EPS15L1: variants seen among roughly 807,000 people sequenced by gnomAD.
The protein encoded by EPS15L1 is epidermal growth factor receptor pathway substrate 15 like 1, also known as epidermal growth factor receptor substrate 15-like 1.
A neutral mutation model predicts 117.1 loss-of-function variants in EPS15L1; 43 were observed. That is an observed-to-expected ratio of 0.37 (90% CI 0.29 to 0.47). EPS15L1 has a LOEUF of 0.47. Among genes scored for constraint, EPS15L1 ranks in the 20% least tolerant of loss-of-function variants. The pLI, the probability that EPS15L1 is intolerant of heterozygous loss-of-function variation, is 0.99. For missense variants in EPS15L1, 981 were observed against 1,164.0 expected (o/e 0.84, Z 2.29); for synonymous variants, 459 against 470.5 (o/e 0.98, Z 0.32).
chr19:16,440,826 A>T, intron 4 of EPS15L1, 36 bp downstream of exon 4: 1 of 1,609,586 alleles, frequency 6.2e-7, no homozygotes, highest in South Asian at 1.1e-5. Flanking sequence ...GGCTCTGCCC[A>T]GCCCCTCCAT....
intron 1 of EPS15L1, among the ~76,000 whole-genome samples, chr19:16,463,987 A>G (rs2145191763): frequency 6.6e-6 from 1 of 152,368 alleles, no homozygotes; most frequent in Admixed American, 6.5e-5. Flanking sequence ...GGGGCCACAG[A>G]GCAGAGGGAA....
intron 1 of EPS15L1, among the ~76,000 whole-genome samples, chr19:16,457,064 G>A (rs2093204670): frequency 6.6e-6 from 1 of 152,184 alleles, no homozygotes; most frequent in Non-Finnish European, 1.5e-5. Context: ...TGATCAGAGA[G>A]AGACTGCCAT....
At chr19:16,362,041 CG>C (rs2092062436) in intron 22 of EPS15L1, 57 bp from the exon 23 acceptor site, 1 of 1,491,350 alleles carries the variant, frequency 6.7e-7, no homozygotes, top group African/African-American at 1.4e-5. Context: ...GTTACTCACC[CG>C]GACAGAGCAG....
intron 1 of EPS15L1, among the ~76,000 whole-genome samples, chr19:16,449,594 A>C (rs1454653448): frequency 1.4e-5 from 2 of 144,710 alleles, no homozygotes; most frequent in Admixed American, 7.8e-5. Context: ...AACAACAACA[A>C]AAAAAAACTA....
In EPS15L1 at chr19:16,401,052, T is replaced by A. The variant is rs905017969; in HGVS notation, c.1791+1269A>T. On this transcript the variant is annotated intron_variant, in intron 16 of 23. Coordinates refer to ENST00000455140, the MANE Select transcript of EPS15L1 (RefSeq NM_001258374.3). Reference sequence around the variant, plus strand: ...AGCCAGGGAGCAAAGCGAGGAGTTCTGGCTTCTCGTAACTCATGAAGGATG... The same window carrying A: ...AGCCAGGGAGCAAAGCGAGGAGTTCAGGCTTCTCGTAACTCATGAAGGATG... The A allele has an allele frequency of 1.9e-5, 19 of 985,288 alleles. No individual in the cohort carries two copies. The African/African-American group carries it at 3.0e-4, about 15-fold the overall frequency. 61.0% of individuals were successfully genotyped at this position (985,288 alleles called of 1,614,324 possible).
chr19:16,417,831 G>T (rs1165326023), intron 11 of EPS15L1, 117 bp downstream of exon 11: 5 of 1,416,068 alleles, frequency 3.5e-6, no homozygotes, highest in Admixed American at 2.0e-5. Context: ...TGTTGAGGAA[G>T]GCAGGGACCA....
rs879624231 is a variant in EPS15L1, at chr19:16,404,074, T to C, written c.1429-144A>G. ...AACCCAGGCCCGACACCTGGCTTCC[T>C]TACAGGCCTCTTTCTACACCCAAAA... On this transcript the variant is annotated intron_variant, in intron 14 of 23. Transcript: ENST00000455140. The surrounding 1 kb of genome is among the most constrained non-coding windows in gnomAD (Gnocchi z 4.2). 96 of 710,580 alleles carry C rather than the reference T, an allele frequency of 1.4e-4. No homozygotes were observed. Among genetic ancestry groups the C allele is most frequent in the Non-Finnish European group, 2.1e-4 (88 of 426,646 alleles). The allele number at this position is 710,580 out of a possible 1,614,324, so 44.0% of individuals were successfully genotyped here.
At chr19:16,419,635 T>C (rs57685681) in intron 10 of EPS15L1, among the ~76,000 whole-genome samples, 186 of 152,300 alleles carry the variant, frequency 1.2e-3, no homozygotes, top group African/African-American at 4.4e-3. Context: ...CAACAGAAGT[T>C]TCCCCTTTTA....
At chr19:16,397,282 G>T (rs375031066) in intron 16 of EPS15L1, among the ~76,000 whole-genome samples, 1 of 151,886 alleles carries the variant, frequency 6.6e-6, no homozygotes, top group East Asian at 1.9e-4. Flanking sequence ...TAGAGATGGG[G>T]TTTCACCATG....
At chr19:16,437,514 T>G (rs1045705953) in intron 5 of EPS15L1, among the ~76,000 whole-genome samples, 9 of 152,100 alleles carry the variant, frequency 5.9e-5, no homozygotes, top group Non-Finnish European at 1.3e-4. Context: ...TTAATGTGGA[T>G]GGGGTCTCCT....
Position 16,454,364 on chromosome 19 carries a change from G to A in EPS15L1, c.34-12145C>T, listed in dbSNP as rs772369025. ...GCTTATAAGCACACGGTATCCTATC[G>A]CCCCGCTACTGGAACCTGGCGGGAC... is the stretch of plus-strand genomic sequence containing the variant. On this transcript the variant is annotated intron_variant, in intron 1 of 23. Coordinates refer to ENST00000455140, the MANE Select transcript of EPS15L1 (RefSeq NM_001258374.3). Among the ~76,000 whole-genome samples, 60 of 152,262 alleles carry A rather than the reference G, an allele frequency of 3.9e-4. 1 individual carries two copies. The highest frequency in any genetic ancestry group is 6.8e-3 in the Middle Eastern group (2 of 294).
chr19:16,416,743 T>A (rs1379456144), intron 12 of EPS15L1, among the ~76,000 whole-genome samples: 1 of 151,634 alleles, frequency 6.6e-6, no homozygotes, highest in African/African-American at 2.4e-5. Flanking sequence ...GATGCTACAG[T>A]GAGCCATGAT....
intron 21 of EPS15L1, among the ~76,000 whole-genome samples, chr19:16,378,741 G>C (rs1412571017): frequency 6.6e-6 from 1 of 152,204 alleles, no homozygotes; most frequent in Non-Finnish European, 1.5e-5. Flanking sequence ...AGCCACAGAA[G>C]GGCCAGCATA....
At chr19:16,420,117 A>G (rs886570421) in intron 10 of EPS15L1, among the ~76,000 whole-genome samples, 1 of 152,184 alleles carries the variant, frequency 6.6e-6, no homozygotes, top group Non-Finnish European at 1.5e-5. Context: ...GCCCCGCCCC[A>G]GCCACTCGCA....
intron 7 of EPS15L1, 35 bp from the exon 8 acceptor site, chr19:16,428,796 A>G (rs1411126122): frequency 1.3e-6 from 2 of 1,570,212 alleles, no homozygotes; most frequent in Non-Finnish European, 1.7e-6. Context: ...TAACTGTGGG[A>G]GGAAGGACTG....
At chr19:16,367,970 T>A (rs989003593) in intron 22 of EPS15L1, among the ~76,000 whole-genome samples, 1 of 150,604 alleles carries the variant, frequency 6.6e-6, no homozygotes, top group African/African-American at 2.5e-5. Context: ...AACATGAGAG[T>A]GAGAGAGAGA....
intron 1 of EPS15L1, among the ~76,000 whole-genome samples, chr19:16,450,769 C>T (rs1269142509): frequency 1.3e-5 from 2 of 151,870 alleles, no homozygotes; most frequent in Non-Finnish European, 1.5e-5. Context: ...AGGCGTGAGC[C>T]ACCACGCCTG....
At chr19:16,460,173 C>T (rs956195232) in intron 1 of EPS15L1, among the ~76,000 whole-genome samples, 2 of 152,096 alleles carry the variant, frequency 1.3e-5, no homozygotes, top group Non-Finnish European at 2.9e-5. Context: ...CCTGCAGTCC[C>T]AGCTACTAAG....
At chr19:16,380,656 G>A (rs1490137572) in intron 21 of EPS15L1, among the ~76,000 whole-genome samples, 1 of 152,228 alleles carries the variant, frequency 6.6e-6, no homozygotes, top group East Asian at 1.9e-4. Context: ...CACTGACACA[G>A]CTATTTGAGG....
Sources: gnomAD v4.1 joint callset for allele counts (sites outside exome capture counted in the v4.1 genomes callset) on GRCh38, gnomAD v4.1.1 for gene constraint, Gnocchi (gnomAD v3.1) non-coding constraint, MANE v1.5 for transcripts, NCBI Gene and HGNC (gene_info 2026-07-23, HGNC 2026-07-21) for gene names.